The following NPAS3 variants were observed in gnomAD, a reference collection of about 807,000 sequenced individuals.
NPAS3 encodes neuronal PAS domain-containing protein 3.
In NPAS3, 14 loss-of-function variants were observed where a neutral mutation model predicts 73.1. The observed-to-expected ratio is 0.19, with a 90% CI of 0.13 to 0.30. The LOEUF (loss-of-function observed/expected upper bound fraction) is 0.30. Among genes scored for constraint, NPAS3 ranks in the 10% least tolerant of loss-of-function variants. NPAS3 has a pLI of 1.00. For missense variants in NPAS3, 1,096 were observed against 1,250.0 expected, an observed-to-expected ratio of 0.88 and a Z score of 1.86; for synonymous variants, 620 against 541.5, an observed-to-expected ratio of 1.14 and a Z score of -2.01.
chr14:33,391,633 AAG>A (rs1013362056), intron 4 of NPAS3, among the ~76,000 whole-genome samples: 6 of 152,222 alleles, frequency 3.9e-5, no homozygotes, highest in South Asian at 4.1e-4. Context: ...GGAGTGGTGA[AAG>A]AGAGAGTGTG....
At chr14:33,544,585 G>T (rs2054692763) in intron 4 of NPAS3, among the ~76,000 whole-genome samples, 1 of 150,984 alleles carries the variant, frequency 6.6e-6, no homozygotes, top group Non-Finnish European at 1.5e-5. Flanking sequence ...CAGCAAAAAA[G>T]GTGAGCCACA....
intron 3 of NPAS3, among the ~76,000 whole-genome samples, chr14:33,300,433 A>G (rs1388650515): frequency 6.6e-6 from 1 of 152,238 alleles, no homozygotes; most frequent in Non-Finnish European, 1.5e-5. Flanking sequence ...TAACAAAACT[A>G]CTGTGATTGA....
chr14:33,711,710 C>T (rs2060823449), intron 6 of NPAS3, among the ~76,000 whole-genome samples: 1 of 152,106 alleles, frequency 6.6e-6, no homozygotes, highest in Admixed American at 6.5e-5. Flanking sequence ...GGGGTGTGGA[C>T]AGGCAAGTGT....
chr14:33,340,147 G>T (rs1259038545), intron 3 of NPAS3, among the ~76,000 whole-genome samples: 1 of 152,160 alleles, frequency 6.6e-6, no homozygotes, highest in Non-Finnish European at 1.5e-5. Context: ...GCTTATATCA[G>T]AATAGTTTTT....
At chr14:33,259,755 A>C (rs2048903023) in intron 3 of NPAS3, among the ~76,000 whole-genome samples, 1 of 152,248 alleles carries the variant, frequency 6.6e-6, no homozygotes, top group Non-Finnish European at 1.5e-5. Flanking sequence ...TGCTTGTGAC[A>C]GATGCTGAAA....
chr14:33,272,421 A>T (rs1333756213), intron 3 of NPAS3, among the ~76,000 whole-genome samples: 3 of 152,068 alleles, frequency 2.0e-5, no homozygotes, highest in South Asian at 2.1e-4. Flanking sequence ...GCTTCATTTA[A>T]TTTTTTTTGT....
In NPAS3 at chr14:33,473,226, A is replaced by G. The variant is rs1038356901; in HGVS notation, c.469-86895A>G. Among the ~76,000 whole-genome samples the G allele has an allele frequency of 5.3e-5, 8 of 152,304 alleles. No homozygotes were observed. In the East Asian group the frequency reaches 1.5e-3, roughly 29 times the overall value. On this transcript the variant is annotated intron_variant, in intron 4 of 11. Coordinates refer to ENST00000356141, the Ensembl canonical transcript of NPAS3. ...CAGTATCATGACTGGAACGTGCATC[A>G]GAATCTTCACCTAATAGGCATTTAA...
intron 6 of NPAS3, among the ~76,000 whole-genome samples, chr14:33,684,400 C>CT (rs1319730564): frequency 6.6e-6 from 1 of 152,106 alleles, no homozygotes; most frequent in Non-Finnish European, 1.5e-5. Flanking sequence ...CAACCTCCAT[C>CT]TCTCGGGCTC....
chr14:33,273,459 A>G (rs555968014), intron 3 of NPAS3, among the ~76,000 whole-genome samples: 7 of 152,092 alleles, frequency 4.6e-5, no homozygotes, highest in Non-Finnish European at 1.0e-4. Context: ...CAGAGGCCCC[A>G]TTTTCTTATC....
intron 1 of NPAS3, among the ~76,000 whole-genome samples, chr14:32,992,185 C>A (rs2038362370): frequency 6.6e-6 from 1 of 152,066 alleles, no homozygotes; most frequent in African/African-American, 2.4e-5. Context: ...GCTGCTCCTC[C>A]ATGGAGAATG....
chr14:33,050,343 C>A (rs1300861157), intron 1 of NPAS3, among the ~76,000 whole-genome samples: 1 of 152,156 alleles, frequency 6.6e-6, no homozygotes, highest in Non-Finnish European at 1.5e-5. Flanking sequence ...GGACTCATAA[C>A]AAATAGGAAT....
intron 1 of NPAS3, among the ~76,000 whole-genome samples, chr14:32,949,825 T>C (rs1021977634): frequency 1.3e-5 from 2 of 151,988 alleles, no homozygotes; most frequent in African/African-American, 2.4e-5. Context: ...ATATTACTAA[T>C]TATATCACTG....
chr14:33,194,167 A>T (rs185554222), intron 2 of NPAS3, among the ~76,000 whole-genome samples: 2 of 152,338 alleles, frequency 1.3e-5, no homozygotes, highest in Non-Finnish European at 2.9e-5. Flanking sequence ...GTTAGTGTAA[A>T]ATTGTCTCTG....
intron 6 of NPAS3, among the ~76,000 whole-genome samples, chr14:33,706,842 C>T (rs549499303): frequency 8.6e-4 from 131 of 152,274 alleles, no homozygotes; most frequent in African/African-American, 2.7e-3. Context: ...CCCCTGGCTC[C>T]GTCTCACGTC....
intron 3 of NPAS3, among the ~76,000 whole-genome samples, chr14:33,343,655 A>G (rs984503905): frequency 6.6e-5 from 10 of 152,326 alleles, no homozygotes; most frequent in African/African-American, 2.4e-4. Flanking sequence ...GGACATCTTG[A>G]TATTTGCTAG....
At chr14:33,338,182 C>T (rs889051816) in intron 3 of NPAS3, among the ~76,000 whole-genome samples, 3 of 152,058 alleles carry the variant, frequency 2.0e-5, no homozygotes, top group African/African-American at 7.2e-5. Flanking sequence ...GGGAATCACA[C>T]CTGTTGTGTG....
chr14:33,414,585 A>G (rs1005198653), intron 4 of NPAS3, among the ~76,000 whole-genome samples: 2 of 152,178 alleles, frequency 1.3e-5, no homozygotes, highest in Non-Finnish European at 1.5e-5. Flanking sequence ...AAAGGCTTTC[A>G]TCCACAATCC....
At chr14:33,223,663 T>C (rs571549467) in intron 3 of NPAS3, among the ~76,000 whole-genome samples, 1 of 152,334 alleles carries the variant, frequency 6.6e-6, no homozygotes, top group African/African-American at 2.4e-5. Flanking sequence ...TATTTGAGAC[T>C]AATAGTCTTC....
chr14:33,787,701 A>G (rs1398823094), intron 9 of NPAS3, among the ~76,000 whole-genome samples: 1 of 152,204 alleles, frequency 6.6e-6, no homozygotes, highest in Non-Finnish European at 1.5e-5. Context: ...GCACAGCATC[A>G]AAGCCTCGGT....
Sources: gnomAD v4.1 joint callset for allele counts (sites outside exome capture counted in the v4.1 genomes callset) on GRCh38, gnomAD v4.1.1 for gene constraint, MANE v1.5 for transcripts, NCBI Gene and HGNC (gene_info 2026-07-23, HGNC 2026-07-21) for gene names.